The following ST6GAL1 variants were observed in gnomAD, a reference collection of about 807,000 sequenced individuals.
ST6GAL1 encodes the protein beta-galactoside alpha-2,6-sialyltransferase 1.
A neutral mutation model predicts 38.0 loss-of-function variants in ST6GAL1; 20 were observed. The ratio of observed to expected loss-of-function variants is 0.53; its 90% CI spans 0.37 to 0.77. The LOEUF is 0.77. ST6GAL1 is among the 30% of genes least tolerant of loss of function. The probability of loss-of-function intolerance (pLI) is 0.00; values close to 1 mark genes in which losing one functional copy is unlikely to be tolerated. For synonymous variants in ST6GAL1, 196 were observed against 188.2 expected (o/e 1.04, Z -0.34); for missense variants, 432 against 496.4 (o/e 0.87, Z 1.23).
intron 5 of ST6GAL1, among the ~76,000 whole-genome samples, chr3:187,068,704 T>C (rs925197504): frequency 6.6e-6 from 1 of 152,212 alleles, no homozygotes; most frequent in African/African-American, 2.4e-5. Context: ...TACTCAAAAT[T>C]GCTGGAAAGG....
In ST6GAL1 at chr3:187,016,543, G is replaced by A. The variant is rs375301797; in HGVS notation, c.-182-22199G>A. 2.3e-4 allele frequency among the ~76,000 whole-genome samples: 35 copies of A among 152,152 alleles called. 1 individual carries two copies. The highest frequency in any genetic ancestry group is 8.4e-4 in the African/African-American group (35 of 41,510). On this transcript the variant is annotated intron_variant, in intron 2 of 7. Transcript: ENST00000169298. ...CTAAAGTGAAGGGAAAGAGTAATGC[G>A]GGAGGCAGTTCGAGGTTGAGATGAA...
chr3:187,005,002 G>A (rs189447737), intron 2 of ST6GAL1, among the ~76,000 whole-genome samples: 2 of 152,086 alleles, frequency 1.3e-5, no homozygotes, highest in East Asian at 3.9e-4. Flanking sequence ...GAGCTTCTAA[G>A]TCTTACAAAC....
chr3:187,047,102 C>G (rs992354904), intron 4 of ST6GAL1, among the ~76,000 whole-genome samples: 1 of 152,062 alleles, frequency 6.6e-6, no homozygotes, highest in African/African-American at 2.4e-5. Context: ...CCTGCCACCA[C>G]GCCTGGCTAA....
intron 5 of ST6GAL1, among the ~76,000 whole-genome samples, chr3:187,069,510 T>C (rs1719288920): frequency 6.6e-6 from 1 of 152,188 alleles, no homozygotes; most frequent in African/African-American, 2.4e-5. Flanking sequence ...CCTTTTTCCC[T>C]CACTCTCAAC....
rs571087502 is a variant in ST6GAL1, at chr3:187,029,252, G to A, written c.-182-9490G>A. Reference sequence around the variant, plus strand: ...TTGATTTTGCTTTTTAAGAGCAGCAGCGTGTCTATATGTTGATGGGAGTAA... The same window carrying A: ...TTGATTTTGCTTTTTAAGAGCAGCAACGTGTCTATATGTTGATGGGAGTAA... On this transcript the variant is annotated intron_variant, in intron 2 of 7. Transcript: ENST00000169298. Among the ~76,000 whole-genome samples, 5 of 152,240 alleles carry A rather than the reference G, an allele frequency of 3.3e-5. No homozygotes were observed. In the South Asian group the frequency reaches 8.3e-4, roughly 25 times the overall value.
rs78091794 is a variant in ST6GAL1, at chr3:187,073,942, C to T, written c.805-217C>T. 399 of 395,626 alleles carry T rather than the reference C, an allele frequency of 1.0e-3. 1 individual carries two copies. The highest frequency in any genetic ancestry group is 7.8e-3 in the African/African-American group (375 of 48,310). The allele number at this position is 395,626 out of a possible 1,614,324, so 24.5% of individuals were successfully genotyped here. On this transcript the variant is annotated intron_variant, in intron 6 of 7. Transcript: ENST00000169298. ...TTGGGTCGCCAAGCTCAACTCTCCC[C>T]CAAAGCACAGGCTATAGGCTAGGCC...
intron 2 of ST6GAL1, among the ~76,000 whole-genome samples, chr3:187,030,705 A>T (rs1430881691): frequency 6.6e-6 from 1 of 152,182 alleles, no homozygotes; most frequent in Non-Finnish European, 1.5e-5. Flanking sequence ...AAGTGCTGGG[A>T]TTACAGGTGT....
chr3:187,060,811 T>C (rs891246703), intron 5 of ST6GAL1, among the ~76,000 whole-genome samples: 1 of 152,204 alleles, frequency 6.6e-6, no homozygotes, highest in African/African-American at 2.4e-5. Context: ...TTTCACTCTC[T>C]GCAGTTTCAT....
At chr3:186,987,181 AGGG>A in intron 2 of ST6GAL1, among the ~76,000 whole-genome samples, 1 of 28,566 alleles carries the variant, frequency 3.5e-5, no homozygotes. Context: ...AAAGAGAGAC[AGGG>A]AGGGAGGGAG....
chr3:187,075,644 C>T lies in ST6GAL1; in HGVS notation c.1062C>T (p.Tyr354=), dbSNP rs1289183133. ...CCAAGCGCAAGACTGACGTGTGCTA[C>T]TACTACCAGAAGTTCTTCGATAGTG... The part of the protein sequence containing the change: ...LPSKRKTDVC[Y]YYQKFFDSAC... Residue 354 remains tyrosine (Y), a synonymous_variant, in exon 8 of 8, where the codon TAC becomes TAT. Coordinates refer to ENST00000169298, the MANE Select transcript of ST6GAL1 (RefSeq NM_173216.2). This position sits in a 1 kb window ranked among gnomAD's most constrained non-coding sequence, Gnocchi z 4.1. The T allele has an allele frequency of 6.2e-7, 1 of 1,614,214 alleles. No homozygotes were observed. Among genetic ancestry groups the T allele is most frequent in the Non-Finnish European group, 8.5e-7 (1 of 1,180,028 alleles).
intron 1 of ST6GAL1, among the ~76,000 whole-genome samples, chr3:186,945,431 T>C (rs912693127): frequency 1.3e-5 from 2 of 152,126 alleles, no homozygotes; most frequent in Non-Finnish European, 2.9e-5. Flanking sequence ...TGCAAGAATT[T>C]AGGGAATCTA....
At chr3:186,979,179 T>G (rs547805790) in intron 2 of ST6GAL1, among the ~76,000 whole-genome samples, 8 of 152,174 alleles carry the variant, frequency 5.3e-5, no homozygotes, top group Admixed American at 1.3e-4. Flanking sequence ...ATATAAAGTG[T>G]GAGTCACAGG....
chr3:187,055,805 G>A (rs759314485), intron 5 of ST6GAL1, among the ~76,000 whole-genome samples: 1 of 152,166 alleles, frequency 6.6e-6, no homozygotes, highest in African/African-American at 2.4e-5. Flanking sequence ...GGAGAGTTCT[G>A]TAGATGTCTA....
At chr3:186,950,605 C>T (rs1052854005) in intron 1 of ST6GAL1, among the ~76,000 whole-genome samples, 1 of 152,128 alleles carries the variant, frequency 6.6e-6, no homozygotes, top group African/African-American at 2.4e-5. Flanking sequence ...TGGTACAAAG[C>T]GGTTGTTATC....
At chr3:186,985,034 G>GA (rs1238490111) in intron 2 of ST6GAL1, among the ~76,000 whole-genome samples, 4 of 151,786 alleles carry the variant, frequency 2.6e-5, no homozygotes, top group Non-Finnish European at 5.9e-5. Flanking sequence ...TCAGCCTCCT[G>GA]AGCAGCTGGG....
In ST6GAL1 at chr3:187,028,853, T is replaced by C. The variant is rs1213544206; in HGVS notation, c.-182-9889T>C. Among the ~76,000 whole-genome samples the C allele has an allele frequency of 2.6e-5, 4 of 152,332 alleles. No homozygotes were observed. The East Asian group carries it at 7.7e-4, about 29-fold the overall frequency. Reference sequence around the variant, plus strand: ...CTATTTGACTTGTTCTTCTTTCTTCTGTATTTCCTAAAAACTGGAATTGTG... The same window carrying C: ...CTATTTGACTTGTTCTTCTTTCTTCCGTATTTCCTAAAAACTGGAATTGTG... On this transcript the variant is annotated intron_variant, in intron 2 of 7. Coordinates refer to ENST00000169298, the MANE Select transcript of ST6GAL1 (RefSeq NM_173216.2).
intron 5 of ST6GAL1, among the ~76,000 whole-genome samples, chr3:187,058,541 C>T (rs945483790): frequency 4.6e-5 from 7 of 152,096 alleles, no homozygotes; most frequent in Admixed American, 3.3e-4. Flanking sequence ...AAGAAAATCA[C>T]TTTCTATCAC....
rs376476358 is a variant in ST6GAL1 at position 187,058,720 on chromosome 3, C to A, written c.705+7374C>A. On this transcript the variant is annotated intron_variant, in intron 5 of 7. Coordinates refer to ENST00000169298, the MANE Select transcript of ST6GAL1 (RefSeq NM_173216.2). ...GCAGTGGTGTGATCTTGGCTTACTG[C>A]AACCTCCTTTTCCTGGGTTCAAGCG... Among the ~76,000 whole-genome samples the A allele has an allele frequency of 2.6e-5, 4 of 151,776 alleles. No homozygotes were observed. The East Asian group carries it at 7.8e-4, about 30-fold the overall frequency.
intron 2 of ST6GAL1, among the ~76,000 whole-genome samples, chr3:187,018,250 A>C (rs1717184461): frequency 6.6e-6 from 1 of 152,030 alleles, no homozygotes; most frequent in Non-Finnish European, 1.5e-5. Context: ...GAGTGCCTTA[A>C]TTTTGCCTAG....
Sources: gnomAD v4.1 joint callset for allele counts (sites outside exome capture counted in the v4.1 genomes callset) on GRCh38, gnomAD v4.1.1 for gene constraint, Gnocchi (gnomAD v3.1) non-coding constraint, MANE v1.5 for transcripts, NCBI Gene and HGNC (gene_info 2026-07-23, HGNC 2026-07-21) for gene names.